The following HDAC9 variants were observed in gnomAD, a reference collection of about 807,000 sequenced individuals.
HDAC9 encodes the protein histone deacetylase 9.
In HDAC9, 41 loss-of-function variants were observed where a neutral mutation model predicts 139.4. The ratio of observed to expected loss-of-function variants is 0.29; its 90% CI spans 0.23 to 0.38. HDAC9 has a LOEUF of 0.38. Ranked by LOEUF, HDAC9 falls within the 10% of genes least tolerant of loss-of-function variation. The pLI, the probability that HDAC9 is intolerant of heterozygous loss-of-function variation, is 1.00. For synonymous variants in HDAC9, 517 were observed against 476.2 expected (o/e 1.09, Z -1.12); for missense variants, 1,147 against 1,297.0 (o/e 0.88, Z 1.78).
At chr7:18,113,452 C>T (rs1050830866) in intron 1 of HDAC9, among the ~76,000 whole-genome samples, 2 of 152,124 alleles carry the variant, frequency 1.3e-5, no homozygotes, top group East Asian at 1.9e-4. Flanking sequence ...TGCTACATTT[C>T]CATGGACACG....
chr7:18,485,854 C>A (rs1281163591), intron 1 of HDAC9, among the ~76,000 whole-genome samples: 1 of 152,118 alleles, frequency 6.6e-6, no homozygotes, highest in East Asian at 1.9e-4. Context: ...ATATCAAATT[C>A]TGTCTTAATC....
At position 18,749,087 on chromosome 7, in the gene HDAC9, A is replaced by T; in HGVS notation, c.1992A>T (p.Ile664=). The change falls in exon 14 of 26, where the codon ATA becomes ATT. Residue 664 remains isoleucine, a synonymous_variant. Transcript: ENST00000686413. ...CCCACCCTGAGCATGCTGGACGAAT[A>T]CAGAGTATCTGGTCACGACTGCAAG... is the stretch of plus-strand genomic sequence containing the variant. The part of the protein sequence containing the change: ...STTHPEHAGR[I]QSIWSRLQET... 1 of 1,613,810 alleles carries T rather than the reference A, an allele frequency of 6.2e-7. No individual in the cohort carries two copies. The highest frequency in any genetic ancestry group is 8.5e-7 in the Non-Finnish European group (1 of 1,179,820).
intron 1 of HDAC9, among the ~76,000 whole-genome samples, chr7:18,473,435 T>C (rs924074767): frequency 1.2e-4 from 18 of 152,182 alleles, no homozygotes; most frequent in Admixed American, 1.2e-3. Flanking sequence ...GCTTTACAAG[T>C]CTCTAGGAGA....
At chr7:18,271,165 G>T (rs1488263995) in intron 2 of HDAC9, among the ~76,000 whole-genome samples, 1 of 152,078 alleles carries the variant, frequency 6.6e-6, no homozygotes, top group Admixed American at 6.6e-5. Flanking sequence ...ATGCTTTCTT[G>T]TAGAACGTGT....
intron 22 of HDAC9, among the ~76,000 whole-genome samples, chr7:18,930,613 T>A (rs1014954753): frequency 1.6e-5 from 2 of 123,028 alleles, no homozygotes; most frequent in African/African-American, 5.7e-5. Context: ...TTCAGGATAA[T>A]AAAATTAAAA....
At chr7:18,320,633 C>T (rs2128634907) in intron 1 of HDAC9, among the ~76,000 whole-genome samples, 1 of 152,278 alleles carries the variant, frequency 6.6e-6, no homozygotes, top group East Asian at 1.9e-4. Context: ...TTTATTCCTT[C>T]ATTGTGCTCT....
chr7:18,856,285 A>G (rs538240380), intron 21 of HDAC9, among the ~76,000 whole-genome samples: 39 of 152,278 alleles, frequency 2.6e-4, no homozygotes, highest in South Asian at 2.3e-3. Context: ...CTTAGAAACT[A>G]TGAGTATTAT....
intron 24 of HDAC9, among the ~76,000 whole-genome samples, chr7:18,955,753 C>A (rs1783103444): frequency 6.6e-6 from 1 of 151,970 alleles, no homozygotes; most frequent in Non-Finnish European, 1.5e-5. Context: ...TTCTTCAGTC[C>A]CTTTCAACTG....
At chr7:18,171,719 A>G (rs997896465) in intron 2 of HDAC9, among the ~76,000 whole-genome samples, 3 of 151,994 alleles carry the variant, frequency 2.0e-5, no homozygotes, top group African/African-American at 7.3e-5. Context: ...AATTTTTGTC[A>G]TTGGTTCTGT....
intron 21 of HDAC9, among the ~76,000 whole-genome samples, chr7:18,838,378 G>T (rs1348184113): frequency 6.6e-6 from 1 of 152,024 alleles, no homozygotes; most frequent in Non-Finnish European, 1.5e-5. Context: ...CTAAAGATGA[G>T]TGGGAACTTT....
chr7:18,720,197 T>C (rs1426454582), intron 12 of HDAC9, among the ~76,000 whole-genome samples: 1 of 152,118 alleles, frequency 6.6e-6, no homozygotes, highest in Non-Finnish European at 1.5e-5. Flanking sequence ...TGTTCTTTCT[T>C]ATATTTTAAT....
chr7:18,252,512 C>G (rs1794980166), intron 2 of HDAC9, among the ~76,000 whole-genome samples: 1 of 152,046 alleles, frequency 6.6e-6, no homozygotes, highest in Non-Finnish European at 1.5e-5. Context: ...ATAGGAATGA[C>G]TTCAGAAATA....
At chr7:18,200,025 A>G (rs1791007039) in intron 2 of HDAC9, among the ~76,000 whole-genome samples, 1 of 152,206 alleles carries the variant, frequency 6.6e-6, no homozygotes, top group Non-Finnish European at 1.5e-5. Context: ...ACTTTGTTCC[A>G]TTTATAAGTC....
chr7:18,753,400 T>A (rs1788612828), intron 14 of HDAC9, among the ~76,000 whole-genome samples: 1 of 152,160 alleles, frequency 6.6e-6, no homozygotes, highest in African/African-American at 2.4e-5. Context: ...AAGGAAAATA[T>A]CCTAGATCTT....
At chr7:18,646,153 A>G (rs903842509) in intron 9 of HDAC9, among the ~76,000 whole-genome samples, 1 of 152,100 alleles carries the variant, frequency 6.6e-6, no homozygotes, top group African/African-American at 2.4e-5. Flanking sequence ...TTCCTTCTCT[A>G]TTTCCTGTCT....
intron 18 of HDAC9, 39 bp downstream of exon 18, chr7:18,829,255 G>A (rs376294161): frequency 5.4e-6 from 8 of 1,490,414 alleles, no homozygotes; most frequent in South Asian, 2.3e-5. Flanking sequence ...CAAGCACCAC[G>A]GTTCCTGGCG....
intron 25 of HDAC9, among the ~76,000 whole-genome samples, chr7:18,980,341 C>A (rs1784821958): frequency 6.6e-6 from 1 of 152,156 alleles, no homozygotes. Context: ...AATTTAGCTT[C>A]CCATCTCATC....
At chr7:18,174,723 C>G (rs1788739523) in intron 2 of HDAC9, among the ~76,000 whole-genome samples, 1 of 152,158 alleles carries the variant, frequency 6.6e-6, no homozygotes, top group Non-Finnish European at 1.5e-5. Flanking sequence ...AGCTGCAGGT[C>G]TGTTGGAGGT....
In HDAC9 at chr7:18,568,018, A is replaced by ATGTG. The variant is rs1415079443; in HGVS notation, c.23-17260_23-17259insGTGT. ...TTGTTAGTTTATACATACAGGATATATGTATATGTATATATATATATATAT... is the reference window on the plus strand; with the variant it reads ...TTGTTAGTTTATACATACAGGATATATGTGTGTATATGTATATATATATATATAT... On this transcript the variant is annotated intron_variant, in intron 2 of 25. Transcript: ENST00000686413. 5.5e-3 allele frequency among the ~76,000 whole-genome samples: 482 copies of ATGTG among 87,008 alleles called. 4 individuals carry two copies. The highest frequency in any genetic ancestry group is 0.021 in the African/African-American group (461 of 21,798). 57.1% of individuals were successfully genotyped at this position (87,008 alleles called of 152,430 possible). A position where few individuals can be genotyped will look rare whatever the true frequency, so the allele number is the denominator to read the frequency against.
Sources: allele counts gnomAD v4.1 joint callset (sites outside exome capture counted in the v4.1 genomes callset), GRCh38; gene constraint gnomAD v4.1.1; transcripts MANE v1.5; gene names NCBI Gene and HGNC (gene_info 2026-07-23, HGNC 2026-07-21).